Variants in HS3ST3A1 observed in about 807,000 individuals in gnomAD.
The protein encoded by HS3ST3A1 is heparan sulfate-glucosamine 3-sulfotransferase 3A1, also known as heparan sulfate glucosamine 3-O-sulfotransferase 3A1.
In HS3ST3A1, 19 loss-of-function variants were observed where a neutral mutation model predicts 25.7. The ratio of observed to expected loss-of-function variants is 0.74; its 90% CI spans 0.52 to 1.08. HS3ST3A1 has a LOEUF of 1.08. Ranked by LOEUF, HS3ST3A1 falls within the 50% of genes least tolerant of loss-of-function variation. The probability of loss-of-function intolerance (pLI) is 0.00; values close to 1 mark genes in which losing one functional copy is unlikely to be tolerated. For missense variants in HS3ST3A1, 459 were observed against 594.3 expected, an observed-to-expected ratio of 0.77 and a Z score of 2.37; for synonymous variants, 226 against 278.6, an observed-to-expected ratio of 0.81 and a Z score of 1.88.
In HS3ST3A1 at chr17:13,574,631, T is replaced by A. The variant is rs945477762; in HGVS notation, c.599+25900A>T. Among the ~76,000 whole-genome samples, 4 of 151,840 alleles carry A rather than the reference T, an allele frequency of 2.6e-5. 1 individual carries two copies. The highest frequency in any genetic ancestry group is 9.7e-5 in the African/African-American group (4 of 41,386). On this transcript the variant is annotated intron_variant, in intron 1 of 1. Transcript: ENST00000284110. ...TACTCAGGAGGCTGAGGCAGGAGAA[T>A]GGCATGAACCCAGGAGGTGGAGCCT...
At chr17:13,561,756 C>T (rs1311650037) in intron 1 of HS3ST3A1, among the ~76,000 whole-genome samples, 3 of 152,080 alleles carry the variant, frequency 2.0e-5, no homozygotes, top group South Asian at 2.1e-4. Flanking sequence ...GGAGACACTG[C>T]GGGATTCCAG....
chr17:13,499,249 C>A (rs959990557), intron 1 of HS3ST3A1, among the ~76,000 whole-genome samples: 1 of 152,124 alleles, frequency 6.6e-6, no homozygotes, highest in Non-Finnish European at 1.5e-5. Context: ...CCCTCTGTGA[C>A]TCCTTCTGTG....
chr17:13,575,330 T>C (rs4792373), intron 1 of HS3ST3A1, among the ~76,000 whole-genome samples: 50,944 of 152,088 alleles, frequency 0.33, 11,304 homozygotes, highest in African/African-American at 0.63. Flanking sequence ...CATGAAATTC[T>C]CAGCCTCAAT....
intron 1 of HS3ST3A1, among the ~76,000 whole-genome samples, chr17:13,503,515 T>C (rs922165214): frequency 1.1e-4 from 16 of 152,208 alleles, no homozygotes; most frequent in Admixed American, 8.5e-4. Context: ...ACATTGTATA[T>C]ATATTGAAAT....
chr17:13,500,158 A>C (rs1905420413), intron 1 of HS3ST3A1, among the ~76,000 whole-genome samples: 1 of 152,206 alleles, frequency 6.6e-6, no homozygotes, highest in African/African-American at 2.4e-5. Context: ...AAAGCACCAC[A>C]CTGTCATATA....
intron 1 of HS3ST3A1, among the ~76,000 whole-genome samples, chr17:13,592,407 GA>G (rs1182949960): frequency 6.6e-6 from 1 of 152,140 alleles, no homozygotes; most frequent in Non-Finnish European, 1.5e-5. Context: ...CCTCTAAAAT[GA>G]TAGATTTCAT....
intron 1 of HS3ST3A1, among the ~76,000 whole-genome samples, chr17:13,503,087 A>G (rs1266244996): frequency 1.3e-5 from 2 of 151,102 alleles, no homozygotes; most frequent in Non-Finnish European, 2.9e-5. Flanking sequence ...CTGAGGCAGA[A>G]TCGCTTGAAC....
intron 1 of HS3ST3A1, among the ~76,000 whole-genome samples, chr17:13,590,530 C>T (rs1029515138): frequency 3.3e-5 from 5 of 152,158 alleles, no homozygotes; most frequent in Admixed American, 2.6e-4. Flanking sequence ...CTGTTTCTTC[C>T]TATTCGGAAG....
chr17:13,556,431 C>T (rs532107752), intron 1 of HS3ST3A1, among the ~76,000 whole-genome samples: 1 of 151,740 alleles, frequency 6.6e-6, no homozygotes, highest in South Asian at 2.1e-4. Context: ...TGGTGTGAAC[C>T]CGGGAGGCGG....
chr17:13,598,612 A>T (rs894242429), intron 1 of HS3ST3A1, among the ~76,000 whole-genome samples: 1 of 152,178 alleles, frequency 6.6e-6, no homozygotes, highest in Non-Finnish European at 1.5e-5. Context: ...GATTTACTTT[A>T]TAGCATGCAT....
chr17:13,513,077 G>T (rs1376654907), intron 1 of HS3ST3A1, among the ~76,000 whole-genome samples: 1 of 152,124 alleles, frequency 6.6e-6, no homozygotes, highest in Non-Finnish European at 1.5e-5. Context: ...CTTCATTCAG[G>T]GACCTGAAAT....
intron 1 of HS3ST3A1, among the ~76,000 whole-genome samples, chr17:13,584,887 T>G (rs1486795105): frequency 6.6e-6 from 1 of 152,186 alleles, no homozygotes; most frequent in East Asian, 1.9e-4. Context: ...GTTCATTACA[T>G]TCCTGTGTCT....
Position 13,600,643 on chromosome 17 carries a change from C to T in HS3ST3A1, c.487G>A (p.Gly163Ser), listed in dbSNP as rs1266482854. 7 of 1,594,920 alleles carry T rather than the reference C, an allele frequency of 4.4e-6. No individual in the cohort carries two copies. The highest frequency in any genetic ancestry group is 6.0e-6 in the Non-Finnish European group (7 of 1,176,126). The change falls in exon 1 of 2, where the codon GGC becomes AGC. Residue 163 changes from glycine to serine, a missense_variant. Gly to Ser is a moderately conservative substitution (Grantham distance 56). Around this residue, in one of 3 missense-constraint regions of HS3ST3A1, gnomAD observed 346 missense variants for 303.9 expected, o/e 1.14. Transcript: ENST00000284110. ...PQAIIIGVKK[G>S]GTRALLEFLR... The stretch of plus-strand genomic sequence containing the variant: ...AACTCCAGCAGCGCCCGCGTGCCGC[C>T]CTTCTTCACTCCGATGATGATGGCC...
At chr17:13,569,884 C>A (rs1907759455) in intron 1 of HS3ST3A1, among the ~76,000 whole-genome samples, 1 of 152,210 alleles carries the variant, frequency 6.6e-6, no homozygotes. Context: ...CTGTTCGTCT[C>A]CATCTAAAAT....
intron 1 of HS3ST3A1, among the ~76,000 whole-genome samples, chr17:13,552,316 C>T (rs960392302): frequency 1.3e-5 from 2 of 152,126 alleles, no homozygotes; most frequent in African/African-American, 2.4e-5. Flanking sequence ...CTCCTGACCT[C>T]GTGATCCACC....
intron 1 of HS3ST3A1, among the ~76,000 whole-genome samples, chr17:13,542,627 A>G (rs1276643319): frequency 1.2e-4 from 18 of 151,858 alleles, no homozygotes; most frequent in Admixed American, 1.2e-3. Flanking sequence ...TGATATTTCG[A>G]AATATCACAG....
At chr17:13,500,639 T>G (rs1226766118) in intron 1 of HS3ST3A1, among the ~76,000 whole-genome samples, 2 of 152,156 alleles carry the variant, frequency 1.3e-5, no homozygotes, top group Non-Finnish European at 2.9e-5. Flanking sequence ...CCCTTCTGAA[T>G]AGTGAACAGG....
At chr17:13,585,186 C>CTTTTTTTTTTTTTTTTTTTTTTCT (rs1908220361) in intron 1 of HS3ST3A1, among the ~76,000 whole-genome samples, 1 of 33,234 alleles carries the variant, frequency 3.0e-5, no homozygotes, top group Admixed American at 5.4e-4. Context: ...TTTTTCTGTG[C>CTTTTTTTTTTTTTTTTTTTTTTCT]TTTTTTTTTT....
At chr17:13,560,923 A>T (rs1400143133) in intron 1 of HS3ST3A1, among the ~76,000 whole-genome samples, 1 of 152,242 alleles carries the variant, frequency 6.6e-6, no homozygotes, top group East Asian at 1.9e-4. Context: ...AATACTGTAC[A>T]GCAAAGCACA....
Sources: gnomAD v4.1 joint callset for allele counts (sites outside exome capture counted in the v4.1 genomes callset) on GRCh38, gnomAD v4.1.1 for gene constraint, gnomAD v4.1.1 regional missense constraint, MANE v1.5 for transcripts, NCBI Gene and HGNC (gene_info 2026-07-23, HGNC 2026-07-21) for gene names.